Variants in PCED1B observed in about 807,000 individuals in gnomAD.
The protein encoded by PCED1B is PC-esterase domain-containing protein 1B.
For synonymous variants in PCED1B, 251 were observed against 246.1 expected, an observed-to-expected ratio of 1.02 and a Z score of -0.19; for missense variants, 573 against 573.9, an observed-to-expected ratio of 1.00 and a Z score of 0.02.
chr12:47,121,125 T>C (rs1398125738), intron 2 of PCED1B, among the ~76,000 whole-genome samples: 1 of 152,234 alleles, frequency 6.6e-6, no homozygotes. Context: ...TTGTACATTT[T>C]AAATGGATAA....
chr12:47,109,313 G>C (rs1404264281), intron 2 of PCED1B, among the ~76,000 whole-genome samples: 1 of 151,886 alleles, frequency 6.6e-6, no homozygotes, highest in Non-Finnish European at 1.5e-5. Context: ...AGCTATATCA[G>C]TGATTCTCAA....
At position 47,236,550 on chromosome 12, in the gene PCED1B, G is replaced by A; in HGVS notation, c.*188G>A. On this transcript the variant is annotated 3_prime_UTR_variant, in exon 4 of 4. Transcript: ENST00000546455. ...GCAGCCTGACTCATTCTTCTTGGCT[G>A]CAGCCTCTTCCCCACTTCCTGGGAG... 1 of 590,910 alleles carries A rather than the reference G, an allele frequency of 1.7e-6. No individual in the cohort carries two copies. Among genetic ancestry groups the A allele is most frequent in the South Asian group, 3.2e-5 (1 of 31,730 alleles). 36.6% of individuals were successfully genotyped at this position (590,910 alleles called of 1,614,324 possible).
intron 2 of PCED1B, among the ~76,000 whole-genome samples, chr12:47,111,958 C>T (rs1214281493): frequency 6.6e-6 from 1 of 152,172 alleles, no homozygotes; most frequent in Non-Finnish European, 1.5e-5. Context: ...ACCGGCACTG[C>T]CCCTCATAAG....
At chr12:47,166,275 C>T (rs1941542568) in intron 2 of PCED1B, among the ~76,000 whole-genome samples, 1 of 152,218 alleles carries the variant, frequency 6.6e-6, no homozygotes, top group Admixed American at 6.5e-5. Context: ...TAATTTTTCA[C>T]TTCCATGACT....
At chr12:47,216,066 T>C (rs1286272789) in intron 2 of PCED1B, 156 bp from the exon 3 acceptor site, 1 of 151,948 alleles carries the variant, frequency 6.6e-6, no homozygotes, top group Non-Finnish European at 1.5e-5. Context: ...AAAAAATAAA[T>C]AAATAAAAAT....
At chr12:47,134,797 G>T (rs978186015) in intron 2 of PCED1B, among the ~76,000 whole-genome samples, 1 of 152,216 alleles carries the variant, frequency 6.6e-6, no homozygotes, top group Non-Finnish European at 1.5e-5. Flanking sequence ...GAACCCCAGA[G>T]GCAGAGCTTG....
At chr12:47,159,028 C>G (rs116281299) in intron 2 of PCED1B, among the ~76,000 whole-genome samples, 118 of 152,232 alleles carry the variant, frequency 7.8e-4, no homozygotes, top group African/African-American at 2.7e-3. Context: ...GTTTATCTCA[C>G]TTAACATAAG....
intron 2 of PCED1B, among the ~76,000 whole-genome samples, chr12:47,157,946 A>G (rs1941248001): frequency 6.6e-6 from 1 of 152,234 alleles, no homozygotes; most frequent in Non-Finnish European, 1.5e-5. Context: ...CCTCAAGTTC[A>G]TCCATGTTGT....
At chr12:47,163,045 G>T (rs60508095) in intron 2 of PCED1B, among the ~76,000 whole-genome samples, 53 of 152,100 alleles carry the variant, frequency 3.5e-4, no homozygotes, top group African/African-American at 1.3e-3. Flanking sequence ...ACAATATTAA[G>T]TCTTTCAATC....
intron 1 of PCED1B, among the ~76,000 whole-genome samples, chr12:47,084,915 C>T (rs1937906112): frequency 6.6e-6 from 1 of 152,198 alleles, no homozygotes; most frequent in Non-Finnish European, 1.5e-5. Context: ...GCTAGTGAAT[C>T]ACTTGAGGTC....
chr12:47,186,487 G>C (rs10748463), intron 2 of PCED1B, among the ~76,000 whole-genome samples: 2 of 151,756 alleles, frequency 1.3e-5, no homozygotes, highest in African/African-American at 2.4e-5. Context: ...GTAGAGGGGG[G>C]CACTTTCACA....
chr12:47,203,764 A>G (rs1266770240), intron 2 of PCED1B, among the ~76,000 whole-genome samples: 1 of 152,208 alleles, frequency 6.6e-6, no homozygotes, highest in African/African-American at 2.4e-5. Flanking sequence ...CTAGTGCTCC[A>G]ATGGACATAC....
At chr12:47,089,461 C>CATGTATGT (rs1233280547) in intron 1 of PCED1B, among the ~76,000 whole-genome samples, 2 of 63,398 alleles carry the variant, frequency 3.2e-5, no homozygotes, top group Non-Finnish European at 5.8e-5. Context: ...AAAAAAAATA[C>CATGTATGT]ATATATATAT....
intron 2 of PCED1B, among the ~76,000 whole-genome samples, chr12:47,113,429 G>A (rs1030524979): frequency 2.6e-5 from 4 of 152,010 alleles, no homozygotes; most frequent in Admixed American, 6.6e-5. Flanking sequence ...TCCAAATTTG[G>A]CAACAAAGAG....
intron 2 of PCED1B, among the ~76,000 whole-genome samples, chr12:47,119,844 A>G (rs778028285): frequency 1.3e-5 from 2 of 151,988 alleles, no homozygotes; most frequent in Non-Finnish European, 1.5e-5. Context: ...AGGTGCCTGT[A>G]ATCCCAGCTA....
chr12:47,125,715 T>C (rs1939859671), intron 2 of PCED1B, among the ~76,000 whole-genome samples: 2 of 152,112 alleles, frequency 1.3e-5, no homozygotes, highest in South Asian at 4.1e-4. Context: ...GTACAAGCCT[T>C]GGACAGCTTT....
At chr12:47,082,972 G>A (rs147257906) in intron 1 of PCED1B, among the ~76,000 whole-genome samples, 44 of 150,272 alleles carry the variant, frequency 2.9e-4, no homozygotes, top group African/African-American at 1.0e-3. Flanking sequence ...GTAGAATGTG[G>A]CTTGACACTT....
chr12:47,210,897 G>A (rs1943057495), intron 2 of PCED1B: 2 of 152,032 alleles, frequency 1.3e-5, no homozygotes, highest in Admixed American at 1.3e-4. Context: ...AGTGATAATT[G>A]GGAAAAATAC....
rs1335674087 is a variant in PCED1B, at chr12:47,186,219, AAAAAAAG to A, written c.-525-29996_-525-29990del. Among the ~76,000 whole-genome samples the A allele has an allele frequency of 4.1e-4, 41 of 100,040 alleles. 1 individual carries two copies. Among genetic ancestry groups the A allele is most frequent in the African/African-American group, 1.3e-3 (41 of 32,566 alleles). 65.6% of individuals were successfully genotyped at this position (100,040 alleles called of 152,430 possible). On this transcript the variant is annotated intron_variant, in intron 2 of 3. Coordinates refer to ENST00000546455, the MANE Select transcript of PCED1B (RefSeq NM_138371.3). ...GGTGACAGAGTGAGACTCCGTCTAAAAAAAAAGAAAAAAAAAAAGAACTTGAACTTAC... is the reference window on the plus strand; with the variant it reads ...GGTGACAGAGTGAGACTCCGTCTAAAAAAAAAAAAAAGAACTTGAACTTAC...
Sources: gnomAD v4.1 joint callset for allele counts (sites outside exome capture counted in the v4.1 genomes callset) on GRCh38, gnomAD v4.1.1 for gene constraint, MANE v1.5 for transcripts, NCBI Gene and HGNC (gene_info 2026-07-23, HGNC 2026-07-21) for gene names.